PCDHA3: variants seen among roughly 807,000 people sequenced by gnomAD.
The protein encoded by PCDHA3 is protocadherin alpha 3, also known as protocadherin alpha-3.
In PCDHA3, 41 loss-of-function variants were observed where a neutral mutation model predicts 62.2. That is an observed-to-expected ratio of 0.66 (90% CI 0.51 to 0.86). PCDHA3 has a LOEUF of 0.86. Among genes scored for constraint, PCDHA3 ranks in the 40% least tolerant of loss-of-function variants. PCDHA3 has a pLI of 0.00. For synonymous variants in PCDHA3, 640 were observed against 555.4 expected, an observed-to-expected ratio of 1.15 and a Z score of -2.14; for missense variants, 1,304 against 1,241.2, an observed-to-expected ratio of 1.05 and a Z score of -0.76.
intron 3 of PCDHA3, among the ~76,000 whole-genome samples, chr5:140,988,304 C>T (rs1554250029): frequency 6.6e-6 from 1 of 152,308 alleles, no homozygotes; most frequent in African/African-American, 2.4e-5. Flanking sequence ...GGAGTGCCAG[C>T]TTGGCTTGGC....
At chr5:140,803,669 T>C (rs1554122921) in intron 1 of PCDHA3, 78 bp downstream of exon 1, 1 of 1,600,140 alleles carries the variant, frequency 6.2e-7, no homozygotes, top group African/African-American at 1.3e-5. Flanking sequence ...TGGAAATACA[T>C]TAATAGTTAA....
chr5:140,843,238 A>C (rs1778702476), intron 1 of PCDHA3: 1 of 1,595,718 alleles, frequency 6.3e-7, no homozygotes, highest in Admixed American at 1.7e-5. Context: ...TCCTGGACGA[A>C]GCGGACTCTC....
intron 1 of PCDHA3, chr5:140,856,537 G>A: frequency 1.9e-6 from 3 of 1,598,370 alleles, no homozygotes; most frequent in Non-Finnish European, 1.7e-6. Flanking sequence ...ATGTTGGAGA[G>A]AACGCATTGC....
chr5:140,867,553 A>G (rs782238802), intron 1 of PCDHA3: 1 of 152,158 alleles, frequency 6.6e-6, no homozygotes, highest in Non-Finnish European at 1.5e-5. Context: ...GCATACACAT[A>G]TGATAACTTT....
chr5:140,823,548 G>A (rs2150126808), intron 1 of PCDHA3: 3 of 1,613,882 alleles, frequency 1.9e-6, no homozygotes, highest in Non-Finnish European at 8.5e-7. Flanking sequence ...ACGTGGTGGC[G>A]AAGGTGCGCG....
At chr5:140,858,550 C>G (rs1554151768) in intron 1 of PCDHA3, 1 of 1,392,416 alleles carries the variant, frequency 7.2e-7, no homozygotes, top group Non-Finnish European at 9.9e-7. Context: ...TCCATTTATG[C>G]TTGAATATTT....
At chr5:140,825,720 C>T (rs1554130338) in intron 1 of PCDHA3, 1 of 152,170 alleles carries the variant, frequency 6.6e-6, no homozygotes, top group African/African-American at 2.4e-5. Flanking sequence ...TCGCGCCTGG[C>T]CTAAATTATT....
chr5:140,972,754 C>T (rs782389999), intron 1 of PCDHA3, among the ~76,000 whole-genome samples: 1 of 151,316 alleles, frequency 6.6e-6, no homozygotes, highest in African/African-American at 2.4e-5. Flanking sequence ...ACCTCCGCCT[C>T]CCAAGTTAAA....
At chr5:140,822,728 A>C (rs1554128843) in intron 1 of PCDHA3, 1 of 1,612,954 alleles carries the variant, frequency 6.2e-7, no homozygotes, top group Non-Finnish European at 8.5e-7. Flanking sequence ...TATGAAATTA[A>C]TATTGATGCC....
intron 1 of PCDHA3, chr5:140,876,601 C>G: frequency 6.2e-7 from 1 of 1,614,152 alleles, no homozygotes; most frequent in Non-Finnish European, 8.5e-7. Context: ...CGTGTCGGAT[C>G]GTGACTCTGG....
intron 3 of PCDHA3, among the ~76,000 whole-genome samples, chr5:141,008,228 T>C (rs2098365726): frequency 1.3e-5 from 2 of 152,210 alleles, no homozygotes; most frequent in African/African-American, 4.8e-5. Context: ...GTTAGAAAAT[T>C]ACTGCTCAGG....
chr5:140,938,945 T>C (rs1390189208), intron 1 of PCDHA3, among the ~76,000 whole-genome samples: 8 of 152,154 alleles, frequency 5.3e-5, no homozygotes, highest in African/African-American at 1.9e-4. Flanking sequence ...TCCATTCTTA[T>C]AATGCTCTAG....
intron 1 of PCDHA3, chr5:140,871,711 T>C (rs1554165833): frequency 1.2e-6 from 1 of 815,266 alleles, no homozygotes; most frequent in Middle Eastern, 3.7e-4. Flanking sequence ...ATAAATGTCC[T>C]ATTTCTCTTA....
chr5:140,852,162 G>A (rs1421376146), intron 1 of PCDHA3: 3 of 836,824 alleles, frequency 3.6e-6, no homozygotes, highest in Non-Finnish European at 4.4e-6. Flanking sequence ...CTTGAGAATA[G>A]AGCCACAAAA....
intron 1 of PCDHA3, among the ~76,000 whole-genome samples, chr5:140,820,130 T>G (rs1281249333): frequency 6.6e-6 from 1 of 152,018 alleles, no homozygotes; most frequent in African/African-American, 2.4e-5. Context: ...CATTGTGTAT[T>G]AAAATATTTC....
rs932495728 is a variant in PCDHA3, at chr5:140,945,802, C to T, written c.2395-33147C>T. ...AGATGCAGAAAAATGAAACTAGACC[C>T]TTATCTCACACTGTATACAAAAGTC... On this transcript the variant is annotated intron_variant, in intron 1 of 3. Coordinates refer to ENST00000522353, the MANE Select transcript of PCDHA3 (RefSeq NM_018906.3). Among the ~76,000 whole-genome samples the T allele has an allele frequency of 5.9e-5, 9 of 152,202 alleles. No homozygotes were observed. The East Asian group carries it at 1.7e-3, about 29-fold the overall frequency.
intron 1 of PCDHA3, among the ~76,000 whole-genome samples, chr5:140,844,781 G>A (rs1779544851): frequency 6.7e-6 from 1 of 149,070 alleles, no homozygotes; most frequent in African/African-American, 2.5e-5. Context: ...CTTTATTTTG[G>A]TATCTTTCAA....
At chr5:140,836,800 A>C (rs1774751613) in intron 1 of PCDHA3, 1 of 1,349,242 alleles carries the variant, frequency 7.4e-7, no homozygotes, top group Non-Finnish European at 1.0e-6. Flanking sequence ...TGGTCTCCTT[A>C]AATTTTCTTT....
intron 3 of PCDHA3, among the ~76,000 whole-genome samples, chr5:140,987,622 TAGATG>T (rs1554249376): frequency 2.6e-5 from 4 of 152,328 alleles, no homozygotes; most frequent in African/African-American, 9.6e-5. Flanking sequence ...TTGGAAGAAT[TAGATG>T]AGATAATGCA....
Sources: allele counts gnomAD v4.1 joint callset (sites outside exome capture counted in the v4.1 genomes callset), GRCh38; gene constraint gnomAD v4.1.1; transcripts MANE v1.5; gene names NCBI Gene and HGNC (gene_info 2026-07-23, HGNC 2026-07-21).